The following PACRG variants were observed in gnomAD, a reference collection of about 807,000 sequenced individuals.
The protein encoded by PACRG is parkin coregulated gene protein.
In PACRG, 29 loss-of-function variants were observed where a neutral mutation model predicts 29.7. The ratio of observed to expected loss-of-function variants is 0.98; its 90% CI spans 0.73 to 1.33. PACRG has a LOEUF of 1.33. PACRG is among the 40% of genes most tolerant of loss of function. The pLI is 0.00. For synonymous variants in PACRG, 116 were observed against 118.7 expected (o/e 0.98, Z 0.15); for missense variants, 279 against 316.2 (o/e 0.88, Z 0.89).
chr6:162,960,901 C>T (rs1800558673), intron 2 of PACRG, among the ~76,000 whole-genome samples: 1 of 152,248 alleles, frequency 6.6e-6, no homozygotes, highest in African/African-American at 2.4e-5. Context: ...ACAGCACCAT[C>T]AGGAAAACAT....
chr6:163,127,920 T>G (rs905812756), intron 4 of PACRG, among the ~76,000 whole-genome samples: 9 of 152,242 alleles, frequency 5.9e-5, no homozygotes, highest in African/African-American at 1.9e-4. Context: ...ATGTCTCACT[T>G]GTTTTTGTAA....
chr6:163,080,979 C>G (rs1184407582), intron 3 of PACRG, among the ~76,000 whole-genome samples: 2 of 152,120 alleles, frequency 1.3e-5, no homozygotes, highest in Non-Finnish European at 2.9e-5. Context: ...AATAGCTGAT[C>G]TAAATCGATC....
intron 4 of PACRG, among the ~76,000 whole-genome samples, chr6:163,299,363 C>T (rs1456804075): frequency 6.6e-6 from 1 of 152,184 alleles, no homozygotes; most frequent in African/African-American, 2.4e-5. Flanking sequence ...CTCTGGGGGT[C>T]CTTCCCACCA....
At chr6:163,278,162 T>G (rs1402697108) in intron 4 of PACRG, among the ~76,000 whole-genome samples, 2 of 152,190 alleles carry the variant, frequency 1.3e-5, no homozygotes, top group Non-Finnish European at 2.9e-5. Context: ...TTCATATCCT[T>G]AGCCCACTTT....
intron 2 of PACRG, among the ~76,000 whole-genome samples, chr6:163,057,596 T>A (rs1363809474): frequency 6.6e-6 from 1 of 152,198 alleles, no homozygotes; most frequent in Admixed American, 6.5e-5. Context: ...TTATTTTTTG[T>A]AGAGACAGGG....
chr6:163,011,763 C>T (rs2128211387), intron 2 of PACRG, among the ~76,000 whole-genome samples: 1 of 152,212 alleles, frequency 6.6e-6, no homozygotes, highest in African/African-American at 2.4e-5. Flanking sequence ...TTTTTCTTTA[C>T]ATCCTTATTC....
At chr6:163,103,251 G>C (rs559287639) in intron 4 of PACRG, among the ~76,000 whole-genome samples, 16 of 152,318 alleles carry the variant, frequency 1.1e-4, no homozygotes, top group African/African-American at 3.8e-4. Context: ...ATAGAAATCA[G>C]TTCTAATGGT....
At chr6:162,797,893 T>G (rs1243011995) in intron 1 of PACRG, among the ~76,000 whole-genome samples, 1 of 152,130 alleles carries the variant, frequency 6.6e-6, no homozygotes, top group East Asian at 1.9e-4. Flanking sequence ...CATCTTCTCC[T>G]ATTACATCAC....
intron 1 of PACRG, among the ~76,000 whole-genome samples, chr6:162,796,778 TATG>T (rs767916858): frequency 7.2e-5 from 11 of 152,152 alleles, no homozygotes; most frequent in Non-Finnish European, 1.5e-4. Context: ...GTCATCTGCA[TATG>T]ATATGTGTTA....
intron 2 of PACRG, among the ~76,000 whole-genome samples, chr6:162,915,873 T>C (rs549241919): frequency 2.6e-5 from 4 of 152,238 alleles, no homozygotes; most frequent in Admixed American, 1.3e-4. Context: ...TCTGTATTCA[T>C]TGAAAACTTC....
intron 1 of PACRG, among the ~76,000 whole-genome samples, chr6:162,809,796 T>C (rs1437696432): frequency 6.6e-6 from 1 of 151,994 alleles, no homozygotes; most frequent in Non-Finnish European, 1.5e-5. Flanking sequence ...GAAAGGGTGG[T>C]TAGTGGATGA....
intron 4 of PACRG, among the ~76,000 whole-genome samples, chr6:163,212,977 A>C (rs966718823): frequency 6.6e-6 from 1 of 152,050 alleles, no homozygotes; most frequent in Non-Finnish European, 1.5e-5. Context: ...ATGGGGTTTC[A>C]CCTTGTTAGC....
intron 4 of PACRG, among the ~76,000 whole-genome samples, chr6:163,105,127 T>TA (rs548037571): frequency 6.6e-5 from 10 of 151,370 alleles, no homozygotes; most frequent in East Asian, 1.9e-4. Context: ...TTTCCCATAT[T>TA]AAAAAAAAAT....
intron 4 of PACRG, among the ~76,000 whole-genome samples, chr6:163,143,185 A>C (rs983015068): frequency 5.3e-5 from 8 of 152,182 alleles, no homozygotes; most frequent in African/African-American, 1.9e-4. Context: ...TGCAACTCTT[A>C]GTGTTAGTAA....
At chr6:162,962,564 A>T (rs1346415505) in intron 2 of PACRG, among the ~76,000 whole-genome samples, 1 of 144,386 alleles carries the variant, frequency 6.9e-6, no homozygotes, top group African/African-American at 2.8e-5. Context: ...TTGTGTTCTT[A>T]TGGGAAGAAG....
intron 2 of PACRG, among the ~76,000 whole-genome samples, chr6:162,989,894 C>T (rs555421129): frequency 2.6e-5 from 4 of 152,028 alleles, no homozygotes; most frequent in East Asian, 1.9e-4. Context: ...CCCGCTCCCC[C>T]GACCCCACCA....
At chr6:163,178,316 C>T (rs1779484973) in intron 4 of PACRG, among the ~76,000 whole-genome samples, 1 of 152,184 alleles carries the variant, frequency 6.6e-6, no homozygotes, top group Non-Finnish European at 1.5e-5. Flanking sequence ...CGGCGTGGCA[C>T]GGACGTGCTG....
At chr6:162,947,766 T>C (rs990008165) in intron 2 of PACRG, among the ~76,000 whole-genome samples, 1 of 147,640 alleles carries the variant, frequency 6.8e-6, no homozygotes, top group Non-Finnish European at 1.5e-5. Flanking sequence ...ATAAACTAAC[T>C]GAGAAAGAAA....
At chr6:162,929,985 C>T (rs1005327555) in intron 2 of PACRG, among the ~76,000 whole-genome samples, 2 of 151,510 alleles carry the variant, frequency 1.3e-5, no homozygotes, top group African/African-American at 2.4e-5. Flanking sequence ...GCTATAGCTT[C>T]GTAATATATA....
Sources: gnomAD v4.1 joint callset for allele counts (sites outside exome capture counted in the v4.1 genomes callset) on GRCh38, gnomAD v4.1.1 for gene constraint, MANE v1.5 for transcripts, NCBI Gene and HGNC (gene_info 2026-07-23, HGNC 2026-07-21) for gene names.